The following SATB1 variants were observed in gnomAD, a reference collection of about 807,000 sequenced individuals.
SATB1 encodes SATB homeobox 1.
SATB1 carries 11 observed loss-of-function variants against 86.9 expected under a neutral mutation model. The ratio of observed to expected loss-of-function variants is 0.13; its 90% CI spans 0.08 to 0.21. The LOEUF (loss-of-function observed/expected upper bound fraction) is 0.21. Among genes scored for constraint, SATB1 ranks in the 10% least tolerant of loss-of-function variants. SATB1 has a pLI of 1.00. For synonymous variants in SATB1, 357 were observed against 357.2 expected, an observed-to-expected ratio of 1.00 and a Z score of 0.01; for missense variants, 551 against 937.6, an observed-to-expected ratio of 0.59 and a Z score of 5.39.
In SATB1 at chr3:18,401,330, C is replaced by T. The variant is rs1038469537; in HGVS notation, c.640-4040G>A. On this transcript the variant is annotated intron_variant, in intron 5 of 10. Coordinates refer to ENST00000338745, the MANE Select transcript of SATB1 (RefSeq NM_002971.6). ...TATGACACGAATCTTTCAAATCCAT[C>T]GCTTTGGCTGTCGTGATAGAAATCA... 4.6e-5 allele frequency among the ~76,000 whole-genome samples: 7 copies of T among 152,166 alleles called. No homozygotes were observed. In the South Asian group the frequency reaches 8.3e-4, roughly 18 times the overall value.
intron 2 of SATB1, among the ~76,000 whole-genome samples, chr3:18,436,467 G>A (rs1281687271): frequency 1.4e-5 from 2 of 143,280 alleles, no homozygotes; most frequent in Non-Finnish European, 3.0e-5. Flanking sequence ...TAATACTGAA[G>A]GTCAGACAAT....
At chr3:18,393,960 AT>A (rs1413084872) in intron 7 of SATB1, among the ~76,000 whole-genome samples, 1 of 149,144 alleles carries the variant, frequency 6.7e-6, no homozygotes, top group Non-Finnish European at 1.5e-5. Flanking sequence ...AATTAAGTGG[AT>A]TATTGCTTCC....
At chr3:18,368,654 C>G (rs905582425) in intron 9 of SATB1, among the ~76,000 whole-genome samples, 128 of 152,232 alleles carry the variant, frequency 8.4e-4, no homozygotes, top group East Asian at 1.9e-4. Flanking sequence ...TCACCACCAC[C>G]ACCATTCTAA....
chr3:18,423,025 A>G (rs959843749), intron 1 of SATB1, among the ~76,000 whole-genome samples: 4 of 152,206 alleles, frequency 2.6e-5, no homozygotes, highest in African/African-American at 9.7e-5. Flanking sequence ...CCAAAATTAA[A>G]TGCGCATAAA....
chr3:18,402,635 G>A (rs989010943), intron 5 of SATB1, among the ~76,000 whole-genome samples: 7 of 152,040 alleles, frequency 4.6e-5, no homozygotes, highest in Non-Finnish European at 8.8e-5. Flanking sequence ...AGCCTGTACC[G>A]GAAGCCAGCA....
intron 1 of SATB1, 196 bp from the exon 2 acceptor site, chr3:18,421,187 T>C (rs902368016): frequency 5.8e-6 from 3 of 521,560 alleles, no homozygotes; most frequent in African/African-American, 1.9e-5. Context: ...ATTAACAAAA[T>C]GATCTGTGGA....
chr3:18,351,063 G>A (rs1232826676), intron 10 of SATB1: 17 of 481,978 alleles, frequency 3.5e-5, no homozygotes, highest in South Asian at 1.6e-4. Context: ...CCCTAAGAGC[G>A]CTAATGACTA....
At chr3:18,373,458 T>C (rs574803915) in intron 9 of SATB1, among the ~76,000 whole-genome samples, 2 of 152,344 alleles carry the variant, frequency 1.3e-5, no homozygotes, top group East Asian at 3.9e-4. Flanking sequence ...CAGAATGCAA[T>C]GTCAATGGTT....
intron 2 of SATB1, among the ~76,000 whole-genome samples, chr3:18,434,729 G>A (rs944677603): frequency 6.6e-6 from 1 of 151,800 alleles, no homozygotes; most frequent in Admixed American, 6.6e-5. Flanking sequence ...TCATCTTTAA[G>A]ATCACATAAA....
At chr3:18,368,049 T>C (rs966732454) in intron 9 of SATB1, among the ~76,000 whole-genome samples, 1 of 152,312 alleles carries the variant, frequency 6.6e-6, no homozygotes, top group Middle Eastern at 3.4e-3. Context: ...TTCTTATTTC[T>C]TTGACTTATC....
chr3:18,387,099 A>G (rs1443983852), intron 7 of SATB1, among the ~76,000 whole-genome samples: 1 of 152,250 alleles, frequency 6.6e-6, no homozygotes, highest in Non-Finnish European at 1.5e-5. Flanking sequence ...TTACTAAAGC[A>G]TCACCTAAGG....
chr3:18,373,171 G>C (rs1479963457), intron 9 of SATB1, among the ~76,000 whole-genome samples: 3 of 152,162 alleles, frequency 2.0e-5, no homozygotes, highest in Admixed American at 2.0e-4. Flanking sequence ...GAATGAAGAA[G>C]GCTTCGTTTG....
chr3:18,421,069 T>C (rs1698375574), intron 1 of SATB1, 78 bp from the exon 2 acceptor site: 1 of 907,034 alleles, frequency 1.1e-6, no homozygotes. Context: ...GTAAATGTTT[T>C]AGCTCTAGAT....
intron 1 of SATB1, among the ~76,000 whole-genome samples, chr3:18,422,770 A>T (rs1450050596): frequency 6.6e-6 from 1 of 152,202 alleles, no homozygotes; most frequent in Non-Finnish European, 1.5e-5. Context: ...CCTTGGGGCA[A>T]TTTAAGAGGA....
chr3:18,369,812 C>T (rs1695373934), intron 9 of SATB1, among the ~76,000 whole-genome samples: 1 of 152,110 alleles, frequency 6.6e-6, no homozygotes, highest in East Asian at 1.9e-4. Flanking sequence ...CTGGTAGCGG[C>T]AGTTAAATTG....
intron 5 of SATB1, among the ~76,000 whole-genome samples, chr3:18,397,661 T>C (rs937202936): frequency 4.6e-5 from 7 of 152,194 alleles, no homozygotes; most frequent in African/African-American, 1.4e-4. Flanking sequence ...GACTTCGCGA[T>C]TTTTTGACTG....
At chr3:18,370,550 AAAG>A (rs1463302368) in intron 9 of SATB1, among the ~76,000 whole-genome samples, 6 of 148,470 alleles carry the variant, frequency 4.0e-5, no homozygotes, top group Admixed American at 4.0e-4. Context: ...GAAAAACAAA[AAAG>A]AAAAAAGAAA....
chr3:18,375,876 C>T (rs1695722200), intron 9 of SATB1, among the ~76,000 whole-genome samples: 1 of 152,136 alleles, frequency 6.6e-6, no homozygotes, highest in African/African-American at 2.4e-5. Flanking sequence ...TTGAGAATAA[C>T]TATCCAAGGG....
chr3:18,385,052 T>A (rs1696261990), intron 8 of SATB1, among the ~76,000 whole-genome samples: 1 of 152,222 alleles, frequency 6.6e-6, no homozygotes, highest in South Asian at 2.1e-4. Flanking sequence ...ATAAGCAGTT[T>A]ATTTAGCTAC....
Sources: allele counts gnomAD v4.1 joint callset (sites outside exome capture counted in the v4.1 genomes callset), GRCh38; gene constraint gnomAD v4.1.1; transcripts MANE v1.5; gene names NCBI Gene and HGNC (gene_info 2026-07-23, HGNC 2026-07-21).